The following ZZZ3 variants were observed in gnomAD, a reference collection of about 807,000 sequenced individuals.
The protein encoded by ZZZ3 is zinc finger ZZ-type containing 3.
In ZZZ3, 22 loss-of-function variants were observed where a neutral mutation model predicts 95.2. The observed-to-expected ratio is 0.23, with a 90% CI of 0.17 to 0.33. The LOEUF (loss-of-function observed/expected upper bound fraction) is 0.33, where lower values mean the gene tolerates loss of function less well. Ranked by LOEUF, ZZZ3 falls within the 10% of genes least tolerant of loss-of-function variation. The pLI, the probability that ZZZ3 is intolerant of heterozygous loss-of-function variation, is 1.00. For synonymous variants in ZZZ3, 335 were observed against 358.9 expected, an observed-to-expected ratio of 0.93 and a Z score of 0.75; for missense variants, 885 against 1,066.5, an observed-to-expected ratio of 0.83 and a Z score of 2.37.
chr1:77,623,507 A>G (rs1667068497), intron 5 of ZZZ3, among the ~76,000 whole-genome samples: 1 of 152,202 alleles, frequency 6.6e-6, no homozygotes, highest in African/African-American at 2.4e-5. Flanking sequence ...TTTAAACAAG[A>G]TATCACTAAG....
At chr1:77,672,616 A>AC (rs1286936549) in intron 1 of ZZZ3, among the ~76,000 whole-genome samples, 1 of 152,232 alleles carries the variant, frequency 6.6e-6, no homozygotes, top group African/African-American at 2.4e-5. Context: ...TAAAACAAAC[A>AC]ACTTTCAGGC....
At chr1:77,586,934 A>G (rs1663137637) in intron 5 of ZZZ3, among the ~76,000 whole-genome samples, 1 of 152,220 alleles carries the variant, frequency 6.6e-6, no homozygotes. Flanking sequence ...CCACCTACAC[A>G]AGCAAACTAC....
At chr1:77,628,798 T>C (rs1667538293) in intron 5 of ZZZ3, among the ~76,000 whole-genome samples, 1 of 152,224 alleles carries the variant, frequency 6.6e-6, no homozygotes, top group Non-Finnish European at 1.5e-5. Flanking sequence ...CTTTTAAAAC[T>C]GGCTATCAAG....
chr1:77,576,868 G>A (rs372715103), intron 11 of ZZZ3, among the ~76,000 whole-genome samples: 42 of 152,266 alleles, frequency 2.8e-4, no homozygotes, highest in Admixed American at 6.5e-4. Flanking sequence ...CATGTGGTAC[G>A]TGGGTCATGG....
chr1:77,672,717 A>G (rs551034013), intron 1 of ZZZ3, among the ~76,000 whole-genome samples: 24 of 152,376 alleles, frequency 1.6e-4, no homozygotes, highest in African/African-American at 5.5e-4. Context: ...AACTACAGAA[A>G]GAGAAGTAGC....
chr1:77,592,833 C>A (rs1217861643), intron 5 of ZZZ3, among the ~76,000 whole-genome samples: 1 of 152,148 alleles, frequency 6.6e-6, no homozygotes, highest in African/African-American at 2.4e-5. Flanking sequence ...ACAAACTCTT[C>A]CCTGAAGACA....
intron 1 of ZZZ3, chr1:77,676,934 A>G (rs1672321233): frequency 6.6e-6 from 1 of 152,010 alleles, no homozygotes; most frequent in Admixed American, 6.5e-5. Context: ...GTAAAAACTT[A>G]AATTTATTTA....
intron 12 of ZZZ3, among the ~76,000 whole-genome samples, 165 bp from the exon 13 acceptor site, chr1:77,568,631 T>C (rs1305569811): frequency 6.9e-6 from 1 of 144,770 alleles, no homozygotes; most frequent in South Asian, 2.2e-4. Context: ...TTTCCACTAA[T>C]GCTTTTGGAC....
Position 77,632,721 on chromosome 1 carries a change from C to T in ZZZ3, c.634G>A (p.Val212Ile). 1.9e-6 allele frequency: 3 copies of T among 1,614,174 alleles called. No homozygotes were observed. The highest frequency in any genetic ancestry group is 2.7e-5 in the African/African-American group (2 of 75,038). The change falls in exon 5 of 15, where the codon GTT (valine) becomes ATT (isoleucine). Residue 212 changes from valine to isoleucine, a missense_variant. Physicochemically the swap from Val to Ile is conservative, Grantham distance 29. Around this residue, in one of 5 missense-constraint regions of ZZZ3, gnomAD observed 556 missense variants for 652.9 expected, o/e 0.85. Transcript: ENST00000370801. The stretch of plus-strand genomic sequence containing the variant: ...GGCTGACAGTCATCACAGTTTATAA[C>T]AGCTGAATCACTGTCATCAACACCA... ...VNGVDDSDSA[V>I]INCDDCQPDG...
At chr1:77,644,210 C>T (rs762260006) in intron 1 of ZZZ3, among the ~76,000 whole-genome samples, 3 of 152,072 alleles carry the variant, frequency 2.0e-5, no homozygotes. Context: ...GGATTACAGG[C>T]GCCTGCCACC....
intron 1 of ZZZ3, among the ~76,000 whole-genome samples, chr1:77,659,728 T>A (rs1224306181): frequency 1.4e-5 from 2 of 147,832 alleles, no homozygotes; most frequent in African/African-American, 2.5e-5. Flanking sequence ...ACCAGTTGAA[T>A]CCTATGTTTT....
intron 1 of ZZZ3, among the ~76,000 whole-genome samples, chr1:77,675,085 A>G (rs1418048280): frequency 5.3e-5 from 8 of 152,180 alleles, no homozygotes; most frequent in Non-Finnish European, 1.2e-4. Context: ...TACATCCCCA[A>G]TAATCTATGG....
chr1:77,632,891 G>A lies in ZZZ3; in HGVS notation c.464C>T (p.Ala155Val). 6.2e-7 allele frequency: 1 copy of A among 1,614,130 alleles called. No homozygotes were observed. Among genetic ancestry groups the A allele is most frequent in the Non-Finnish European group, 8.5e-7 (1 of 1,180,022 alleles). ...AGCTCGTTTAGTCCCTTGAAAATCT[G>A]CATCATTGTCCACTACTGTACTCCT... ...EQRSTVVDND[A>V]DFQGTKRACR... Residue 155 changes from alanine to valine, a missense_variant, in exon 5 of 15, where the codon GCA becomes GTA. Physicochemically the swap from Ala to Val is moderately conservative, Grantham distance 64. This residue lies in a region of ZZZ3 where 556 missense variants were observed against 652.9 expected (regional missense o/e 0.85). Transcript: ENST00000370801.
In ZZZ3 at chr1:77,633,028, T is replaced by C. The variant is rs1667954035; in HGVS notation, c.327A>G (p.Thr109=). 6.2e-7 allele frequency: 1 copy of C among 1,614,028 alleles called. No individual in the cohort carries two copies. The highest frequency in any genetic ancestry group is 1.3e-5 in the African/African-American group (1 of 75,068). Residue 109 remains threonine, a synonymous_variant, in exon 5 of 15, where the codon ACA becomes ACG. Transcript: ENST00000370801. ...TTTTTAAAACTGGTGAAACAGGTTC[T>C]GTTTGCCTTCTCTCACAATTTTCTA... ...QAIENCERRQ[T]EPVSPVLKRI... is the part of the protein sequence containing the mutation.
intron 5 of ZZZ3, among the ~76,000 whole-genome samples, chr1:77,630,911 G>A (rs1036251614): frequency 6.6e-6 from 1 of 152,174 alleles, no homozygotes; most frequent in African/African-American, 2.4e-5. Context: ...AAGTATTTAT[G>A]TACAGTCTAT....
chr1:77,635,018 C>A (rs571433353), intron 4 of ZZZ3, among the ~76,000 whole-genome samples: 67 of 152,248 alleles, frequency 4.4e-4, no homozygotes, highest in African/African-American at 1.2e-3. Flanking sequence ...CTCATGTAAA[C>A]CTCCAAATGC....
intron 1 of ZZZ3, among the ~76,000 whole-genome samples, chr1:77,670,280 G>GT (rs1671642250): frequency 6.6e-6 from 1 of 150,870 alleles, no homozygotes; most frequent in African/African-American, 2.4e-5. Flanking sequence ...TTTGGGGGGG[G>GT]GCAGAGTCTC....
At position 77,564,910 on chromosome 1, in the gene ZZZ3, T is replaced by C. The variant is rs531652705; in HGVS notation, c.*730A>G. On this transcript the variant is annotated 3_prime_UTR_variant, in exon 15 of 15. Coordinates refer to ENST00000370801, the MANE Select transcript of ZZZ3 (RefSeq NM_015534.6). ...ACACAGTTACTACCACTGGCACTTT[T>C]CACCATAGTTTGTACACATCACATG... The C allele has an allele frequency of 2.0e-5, 3 of 152,770 alleles. No homozygotes were observed. In the East Asian group the frequency reaches 5.8e-4, roughly 29 times the overall value. 9.5% of individuals were successfully genotyped at this position (152,770 alleles called of 1,614,324 possible). A position where few individuals can be genotyped will look rare whatever the true frequency, so the allele number is the denominator to read the frequency against.
chr1:77,612,913 T>C (rs1665952410), intron 5 of ZZZ3, among the ~76,000 whole-genome samples: 2 of 152,032 alleles, frequency 1.3e-5, no homozygotes, highest in Non-Finnish European at 2.9e-5. Context: ...ATATTAGAGA[T>C]TTTTATTAAG....
Sources: gnomAD v4.1 joint callset for allele counts (sites outside exome capture counted in the v4.1 genomes callset) on GRCh38, gnomAD v4.1.1 for gene constraint, gnomAD v4.1.1 regional missense constraint, MANE v1.5 for transcripts, NCBI Gene and HGNC (gene_info 2026-07-23, HGNC 2026-07-21) for gene names.